The following CHST15 variants were observed in gnomAD, a reference collection of about 807,000 sequenced individuals.
CHST15 encodes B cell RAG associated protein (GALNAC4S-6ST).
A neutral mutation model predicts 53.6 loss-of-function variants in CHST15; 30 were observed. That is an observed-to-expected ratio of 0.56 (90% CI 0.42 to 0.76). The LOEUF is 0.76. CHST15 is among the 30% of genes least tolerant of loss of function. The pLI, the probability that CHST15 is intolerant of heterozygous loss-of-function variation, is 0.00. For synonymous variants in CHST15, 296 were observed against 289.8 expected, an observed-to-expected ratio of 1.02 and a Z score of -0.22; for missense variants, 627 against 740.5, an observed-to-expected ratio of 0.85 and a Z score of 1.78.
chr10:124,073,960 G>T (rs1247910049), intron 1 of CHST15, among the ~76,000 whole-genome samples: 1 of 152,168 alleles, frequency 6.6e-6, no homozygotes, highest in Non-Finnish European at 1.5e-5. Flanking sequence ...ATCTTCCCCA[G>T]CCACATCCCG....
At chr10:124,061,397 C>G (rs183973113) in intron 1 of CHST15, among the ~76,000 whole-genome samples, 1 of 152,294 alleles carries the variant, frequency 6.6e-6, no homozygotes, top group South Asian at 2.1e-4. Context: ...TTTCTCTTGC[C>G]GCAGCCATGT....
At position 124,009,571 on chromosome 10, in the gene CHST15, A is replaced by G. The variant is rs1297704231; in HGVS notation, c.*578T>C. The G allele has an allele frequency of 1.0e-6, 1 of 988,860 alleles. No homozygotes were observed. 61.3% of individuals were successfully genotyped at this position (988,860 alleles called of 1,614,324 possible). On this transcript the variant is annotated 3_prime_UTR_variant, in exon 8 of 8. Coordinates refer to ENST00000435907, the MANE Select transcript of CHST15 (RefSeq NM_001270764.2). The stretch of plus-strand genomic sequence containing the variant: ...AAAAAATGAAGAGCCTCCATTCTCG[A>G]AAGACTGCGGTTCTCTGTCCCAGTG...
At chr10:124,051,076 G>GAGATTA (rs1452079526) in intron 1 of CHST15, among the ~76,000 whole-genome samples, 3 of 152,060 alleles carry the variant, frequency 2.0e-5, no homozygotes, top group African/African-American at 7.2e-5. Context: ...CCCGAGTACT[G>GAGATTA]AGATTACAGG....
intron 3 of CHST15, among the ~76,000 whole-genome samples, chr10:124,044,117 G>A (rs930434383): frequency 2.0e-5 from 3 of 151,458 alleles, no homozygotes; most frequent in Non-Finnish European, 2.9e-5. Context: ...CAGAGCAGAG[G>A]AACGGCACAG....
At chr10:124,067,400 G>A (rs1164514659) in intron 1 of CHST15, among the ~76,000 whole-genome samples, 1 of 152,172 alleles carries the variant, frequency 6.6e-6, no homozygotes, top group East Asian at 1.9e-4. Flanking sequence ...CAGAAGCTCA[G>A]ATCCAAACTG....
At chr10:124,023,791 G>C (rs1025547332) in intron 5 of CHST15, among the ~76,000 whole-genome samples, 3 of 150,732 alleles carry the variant, frequency 2.0e-5, no homozygotes, top group Non-Finnish European at 4.4e-5. Context: ...GCAATTCTGT[G>C]ACTCTCATTC....
chr10:124,057,292 G>A (rs2134076857), intron 1 of CHST15, among the ~76,000 whole-genome samples: 1 of 152,340 alleles, frequency 6.6e-6, no homozygotes, highest in East Asian at 1.9e-4. Flanking sequence ...GCTGCTCAGA[G>A]GCCAGTGATT....
Position 124,008,943 on chromosome 10 carries a change from A to G in CHST15, c.*1206T>C, listed in dbSNP as rs1400153570. On this transcript the variant is annotated 3_prime_UTR_variant, in exon 8 of 8. Transcript: ENST00000435907. ...CCAAGTGGCCTGGAAAATTCCATGA[A>G]GAACACGGCTCTTAGAAACCTCATT... 1 of 1,288,966 alleles carries G rather than the reference A, an allele frequency of 7.8e-7. No individual in the cohort carries two copies. Among genetic ancestry groups the G allele is most frequent in the South Asian group, 1.2e-5 (1 of 81,018 alleles). 79.8% of individuals were successfully genotyped at this position (1,288,966 alleles called of 1,614,324 possible).
chr10:124,011,819 A>C (rs1946425709), intron 7 of CHST15: 2 of 985,326 alleles, frequency 2.0e-6, no homozygotes, highest in South Asian at 9.4e-5. Context: ...GGAATTTCCA[A>C]GAATACCGGA....
chr10:124,037,909 G>A (rs1003540487), intron 5 of CHST15, among the ~76,000 whole-genome samples: 2 of 152,220 alleles, frequency 1.3e-5, no homozygotes, highest in Admixed American at 6.5e-5. Context: ...TGTTTCCCTC[G>A]CCTTGACAGT....
At chr10:124,079,546 G>A (rs371945010) in intron 1 of CHST15, among the ~76,000 whole-genome samples, 51 of 152,292 alleles carry the variant, frequency 3.3e-4, no homozygotes, top group Middle Eastern at 3.4e-3. Context: ...TGGAGACCAC[G>A]GTTACCCAGG....
At chr10:124,041,338 C>T (rs538902328) in intron 4 of CHST15, among the ~76,000 whole-genome samples, 16 of 152,220 alleles carry the variant, frequency 1.1e-4, no homozygotes, top group Middle Eastern at 3.4e-3. Context: ...TTAAGCAAAA[C>T]GTGACTCAAT....
intron 6 of CHST15, among the ~76,000 whole-genome samples, chr10:124,012,928 T>C (rs1946461154): frequency 6.6e-6 from 1 of 152,210 alleles, no homozygotes; most frequent in Admixed American, 6.5e-5. Context: ...AAATGCCTGA[T>C]GCCAGAGGAA....
Position 124,007,669 on chromosome 10 carries a change from T to C in CHST15, c.*2480A>G, listed in dbSNP as rs1946307076. 1 of 1,214,164 alleles carries C rather than the reference T, an allele frequency of 8.2e-7. No individual in the cohort carries two copies. The highest frequency in any genetic ancestry group is 1.0e-6 in the Non-Finnish European group (1 of 977,818). 75.2% of individuals were successfully genotyped at this position (1,214,164 alleles called of 1,614,324 possible). On this transcript the variant is annotated 3_prime_UTR_variant, in exon 8 of 8. Transcript: ENST00000435907. ...ATTCACTCATGCACCAGGAAGAGCT[T>C]GGCTGCAGAGGAAGAGCACGCGCTC...
chr10:124,020,495 G>C, intron 6 of CHST15: 4 of 985,556 alleles, frequency 4.1e-6, no homozygotes, highest in Non-Finnish European at 4.8e-6. Flanking sequence ...GTAAGAAAGA[G>C]GGGGCAGAGC....
chr10:124,030,480 G>C (rs1947185162), intron 5 of CHST15, among the ~76,000 whole-genome samples: 1 of 152,128 alleles, frequency 6.6e-6, no homozygotes, highest in South Asian at 2.1e-4. Flanking sequence ...GAAAGAGTGA[G>C]AGCTGGAGGG....
chr10:124,073,478 G>A (rs1292257518), intron 1 of CHST15, among the ~76,000 whole-genome samples: 2 of 152,216 alleles, frequency 1.3e-5, no homozygotes, highest in Non-Finnish European at 2.9e-5. Context: ...ACCTGATCTA[G>A]GTACTGGTTG....
chr10:124,075,865 C>A (rs1176080181), intron 1 of CHST15, among the ~76,000 whole-genome samples: 2 of 152,216 alleles, frequency 1.3e-5, no homozygotes, highest in African/African-American at 4.8e-5. Context: ...AAGCCTCTTG[C>A]TCCAGGGAGA....
rs1302897290 is a variant in CHST15 at position 124,046,111 on chromosome 10, G to T, written c.102C>A (p.Cys34Ter). The T allele has an allele frequency of 6.2e-7, 1 of 1,614,240 alleles. No homozygotes were observed. The highest frequency in any genetic ancestry group is 8.5e-7 in the Non-Finnish European group (1 of 1,180,048). The change falls in exon 2 of 8, where the codon TGC (cysteine) becomes TGA (stop). Residue 34 changes from cysteine to a stop codon, truncating the protein, a stop_gained. Transcript: ENST00000435907. LOFTEE classifies it high-confidence loss of function. ...TTTTGTTTTCTCCTTTGCACGTGGG[G>T]CACGCCTGGTGACCGTGATGGGGGC... ...QGGPHHGHQA[C>*]PTCKGENKIL... is the part of the protein sequence containing the mutation.
Sources: allele counts gnomAD v4.1 joint callset (sites outside exome capture counted in the v4.1 genomes callset), GRCh38; gene constraint gnomAD v4.1.1; transcripts MANE v1.5; gene names NCBI Gene and HGNC (gene_info 2026-07-23, HGNC 2026-07-21).